The following BACH2 variants were observed in gnomAD, a reference collection of about 807,000 sequenced individuals.
BACH2 encodes the protein BACH transcriptional regulator 2, also known as transcription regulator protein BACH2.
A neutral mutation model predicts 61.8 loss-of-function variants in BACH2; 5 were observed. The observed-to-expected ratio is 0.08, with a 90% CI of 0.04 to 0.17. BACH2 has a LOEUF of 0.17. Among genes scored for constraint, BACH2 ranks in the 10% least tolerant of loss-of-function variants. The pLI is 1.00. For synonymous variants in BACH2, 446 were observed against 440.1 expected (o/e 1.01, Z -0.17); for missense variants, 824 against 1,091.1 (o/e 0.76, Z 3.45).
intron 4 of BACH2, among the ~76,000 whole-genome samples, chr6:90,101,704 A>C (rs1782634113): frequency 6.6e-6 from 1 of 152,212 alleles, no homozygotes. Flanking sequence ...ATTTCTGCAA[A>C]AATGCTGCAA....
At chr6:90,041,665 T>C (rs1779542779) in intron 5 of BACH2, among the ~76,000 whole-genome samples, 1 of 152,190 alleles carries the variant, frequency 6.6e-6, no homozygotes, top group South Asian at 2.1e-4. Flanking sequence ...TAGACAATTA[T>C]GGATTTTTAA....
chr6:90,103,096 A>G (rs1196961312), intron 4 of BACH2, among the ~76,000 whole-genome samples: 1 of 135,000 alleles, frequency 7.4e-6, no homozygotes, highest in African/African-American at 2.8e-5. Flanking sequence ...ATTTCTAGCC[A>G]GCATTCAGAG....
intron 6 of BACH2, among the ~76,000 whole-genome samples, chr6:89,983,863 A>G (rs1351100900): frequency 6.6e-6 from 1 of 152,148 alleles, no homozygotes; most frequent in Non-Finnish European, 1.5e-5. Context: ...TGTTAGAGCC[A>G]CTTTGTTAGA....
At chr6:90,270,497 A>AATACTTAGGAAT (rs1771484116) in intron 2 of BACH2, among the ~76,000 whole-genome samples, 1 of 152,214 alleles carries the variant, frequency 6.6e-6, no homozygotes, top group Non-Finnish European at 1.5e-5. Context: ...AAACAAATAA[A>AATACTTAGGAAT]ATACTTAGGA....
At chr6:90,086,655 A>C (rs911526147) in intron 5 of BACH2, among the ~76,000 whole-genome samples, 1 of 152,144 alleles carries the variant, frequency 6.6e-6, no homozygotes, top group Non-Finnish European at 1.5e-5. Context: ...TGATTCACCT[A>C]AGGAGTCATG....
At chr6:89,998,667 A>G (rs1275817252) in intron 6 of BACH2, among the ~76,000 whole-genome samples, 1 of 152,080 alleles carries the variant, frequency 6.6e-6, no homozygotes. Flanking sequence ...TTGTGCTTTT[A>G]AGAACAGCCT....
At chr6:90,185,434 A>G (rs1252570655) in intron 4 of BACH2, among the ~76,000 whole-genome samples, 1 of 152,226 alleles carries the variant, frequency 6.6e-6, no homozygotes. Context: ...GCACAGGGCA[A>G]AACTGCATTT....
chr6:90,239,874 T>C (rs1770386880), intron 3 of BACH2, among the ~76,000 whole-genome samples: 1 of 150,284 alleles, frequency 6.7e-6, no homozygotes, highest in African/African-American at 2.5e-5. Context: ...AAATATATAT[T>C]TGCTATTAAA....
chr6:90,210,311 CAACACACACA>C (rs1300047971), intron 3 of BACH2, among the ~76,000 whole-genome samples: 37 of 97,812 alleles, frequency 3.8e-4, no homozygotes, highest in Non-Finnish European at 4.1e-5. Flanking sequence ...CACCCCAAAA[CAACACACACA>C]CACACACACA....
intron 6 of BACH2, among the ~76,000 whole-genome samples, chr6:89,978,066 A>T (rs1376395382): frequency 6.6e-6 from 1 of 152,244 alleles, no homozygotes; most frequent in Non-Finnish European, 1.5e-5. Context: ...GTGGAATGCT[A>T]AATGAGAAAA....
At chr6:90,071,811 T>C (rs1781239808) in intron 5 of BACH2, among the ~76,000 whole-genome samples, 1 of 152,266 alleles carries the variant, frequency 6.6e-6, no homozygotes, top group South Asian at 2.1e-4. Flanking sequence ...GTATGTTATA[T>C]GTATTATATA....
At chr6:90,292,308 A>G (rs1772204107) in intron 1 of BACH2, among the ~76,000 whole-genome samples, 1 of 152,268 alleles carries the variant, frequency 6.6e-6, no homozygotes, top group African/African-American at 2.4e-5. Context: ...CAAGGTAGTC[A>G]GCACTGGGTC....
chr6:90,184,748 T>G (rs1044030853), intron 4 of BACH2, among the ~76,000 whole-genome samples: 1 of 152,182 alleles, frequency 6.6e-6, no homozygotes, highest in Admixed American at 6.5e-5. Flanking sequence ...TCTACCTGCT[T>G]TCCAAGTGCT....
chr6:90,193,261 C>T (rs1054035337), intron 4 of BACH2, among the ~76,000 whole-genome samples: 4 of 152,128 alleles, frequency 2.6e-5, no homozygotes, highest in African/African-American at 9.7e-5. Flanking sequence ...GAAAATAGGA[C>T]CATTACAGAT....
At chr6:90,198,311 T>A (rs182182223) in intron 4 of BACH2, among the ~76,000 whole-genome samples, 286 of 152,276 alleles carry the variant, frequency 1.9e-3, no homozygotes, top group Non-Finnish European at 3.0e-3. Context: ...GCCCCCATGA[T>A]TCCTTGACTG....
intron 6 of BACH2, among the ~76,000 whole-genome samples, chr6:89,971,085 G>A (rs1170777389): frequency 6.6e-6 from 1 of 152,142 alleles, no homozygotes; most frequent in African/African-American, 2.4e-5. Context: ...ATTACTTTAT[G>A]AACTGCCAAA....
chr6:90,230,777 C>G (rs1028450651), intron 3 of BACH2, among the ~76,000 whole-genome samples: 1 of 152,172 alleles, frequency 6.6e-6, no homozygotes, highest in Non-Finnish European at 1.5e-5. Flanking sequence ...CCAGAGGAAA[C>G]TCAGCCCCCT....
At chr6:90,002,133 C>T (rs1444245438) in intron 6 of BACH2, among the ~76,000 whole-genome samples, 3 of 152,298 alleles carry the variant, frequency 2.0e-5, no homozygotes, top group South Asian at 2.1e-4. Flanking sequence ...CTCTCCTCCT[C>T]GAAATGCTTT....
At chr6:90,195,606 A>C (rs1318019206) in intron 4 of BACH2, among the ~76,000 whole-genome samples, 1 of 152,184 alleles carries the variant, frequency 6.6e-6, no homozygotes, top group Admixed American at 6.5e-5. Flanking sequence ...GCACTTTGGG[A>C]AGATAGCGCC....
Sources: gnomAD v4.1 joint callset for allele counts (sites outside exome capture counted in the v4.1 genomes callset) on GRCh38, gnomAD v4.1.1 for gene constraint, MANE v1.5 for transcripts, NCBI Gene and HGNC (gene_info 2026-07-23, HGNC 2026-07-21) for gene names.